Variants in RNF130 observed in about 807,000 individuals in gnomAD.
RNF130 encodes ring finger protein 130.
RNF130 carries 21 observed loss-of-function variants against 44.6 expected under a neutral mutation model. The ratio of observed to expected loss-of-function variants is 0.47; its 90% confidence interval spans 0.33 to 0.68. The LOEUF (loss-of-function observed/expected upper bound fraction) is 0.68, where lower values mean the gene tolerates loss of function less well. Among genes scored for constraint, RNF130 ranks in the 30% least tolerant of loss-of-function variants. The pLI is 0.02. For missense variants in RNF130, 479 were observed against 560.6 expected, an observed-to-expected ratio of 0.85 and a Z score of 1.47; for synonymous variants, 214 against 210.4, an observed-to-expected ratio of 1.02 and a Z score of -0.15.
At chr5:179,936,862 A>G (rs1051015008) in intron 7 of RNF130, among the ~76,000 whole-genome samples, 5 of 152,224 alleles carry the variant, frequency 3.3e-5, no homozygotes, top group Admixed American at 2.6e-4. Context: ...GGGGGAAAGA[A>G]CAGTCTCTTC....
chr5:179,966,067 G>A (rs1014546761), intron 7 of RNF130, among the ~76,000 whole-genome samples: 1 of 152,176 alleles, frequency 6.6e-6, no homozygotes. Flanking sequence ...GAATGGAAGC[G>A]AAGAGAAGAG....
chr5:179,940,324 G>A (rs1314500006), intron 7 of RNF130, among the ~76,000 whole-genome samples: 2 of 151,658 alleles, frequency 1.3e-5, no homozygotes, highest in African/African-American at 4.8e-5. Context: ...AGGTTCAAGC[G>A]GTTCTCCTGC....
intron 1 of RNF130, among the ~76,000 whole-genome samples, chr5:180,060,960 G>T (rs962862394): frequency 2.0e-5 from 3 of 151,572 alleles, no homozygotes; most frequent in East Asian, 3.9e-4. Flanking sequence ...TCCCAGCTAC[G>T]CGGGAGGCTG....
chr5:180,023,140 T>C (rs1300236223), intron 2 of RNF130, among the ~76,000 whole-genome samples: 1 of 152,242 alleles, frequency 6.6e-6, no homozygotes, highest in African/African-American at 2.4e-5. Context: ...AGAGCTACAA[T>C]GATCCATGTG....
intron 7 of RNF130, among the ~76,000 whole-genome samples, chr5:179,935,515 C>CGTGTGT (rs34977597): frequency 8.4e-4 from 126 of 150,624 alleles, no homozygotes; most frequent in East Asian, 2.7e-3. Flanking sequence ...TATGTCAGCA[C>CGTGTGT]GTGTGTGTGT....
Position 179,969,953 on chromosome 5 carries a change from TGTAC to T in RNF130, c.945+453_945+456del, listed in dbSNP as rs571724745. Among the ~76,000 whole-genome samples the T allele has an allele frequency of 1.7e-3, 262 of 152,218 alleles. 2 individuals carry two copies. The highest frequency in any genetic ancestry group is 5.7e-3 in the African/African-American group (237 of 41,532). On this transcript the variant is annotated intron_variant, in intron 6 of 8. Coordinates refer to ENST00000521389, the MANE Select transcript of RNF130 (RefSeq NM_018434.6). ...TTGCAGTGAGCCAAGATCGTGCCAT[TGTAC>T]TCCAGCTTGGGCAACAAGAGCAAAA...
At chr5:179,920,236 CAGG>C in exon 8 of RNF130, 1 of 652,096 alleles carries the variant, frequency 1.5e-6, no homozygotes, top group Admixed American at 2.2e-5. Context: ...CGGATGCTGA[CAGG>C]AGAATACAAA....
chr5:180,055,266 A>C (rs1348710419), intron 1 of RNF130, among the ~76,000 whole-genome samples: 5 of 28,050 alleles, frequency 1.8e-4, no homozygotes, highest in African/African-American at 3.5e-4. Flanking sequence ...AAAAAAAAAA[A>C]AAAAAAAAAA....
intron 3 of RNF130, among the ~76,000 whole-genome samples, chr5:179,986,917 G>A (rs976989385): frequency 2.6e-5 from 4 of 151,918 alleles, no homozygotes; most frequent in Admixed American, 2.0e-4. Flanking sequence ...TGTGACTATT[G>A]CAAATAGGAC....
chr5:180,037,857 T>G (rs1040433227), intron 2 of RNF130, among the ~76,000 whole-genome samples: 2 of 152,206 alleles, frequency 1.3e-5, no homozygotes, highest in African/African-American at 4.8e-5. Flanking sequence ...AATCACAACA[T>G]AAAGCCGTTT....
At chr5:180,028,550 C>T (rs1025642024) in intron 2 of RNF130, among the ~76,000 whole-genome samples, 2 of 84,288 alleles carry the variant, frequency 2.4e-5, no homozygotes, top group Admixed American at 1.2e-4. Flanking sequence ...TGAAGTCTTC[C>T]AGACCTGGGT....
intron 3 of RNF130, among the ~76,000 whole-genome samples, chr5:179,992,333 G>C (rs1475052613): frequency 2.0e-5 from 3 of 152,112 alleles, no homozygotes; most frequent in Non-Finnish European, 4.4e-5. Flanking sequence ...AGTAGAGACG[G>C]GGTTTCACCA....
chr5:179,955,982 A>T (rs1387733996), intron 8 of RNF130: 8 of 258,730 alleles, frequency 3.1e-5, no homozygotes, highest in Non-Finnish European at 5.1e-5. Context: ...GTTTAAACAC[A>T]TGTTCTGAAT....
At chr5:179,963,878 T>C (rs1762384408) in intron 7 of RNF130, 2 of 300,880 alleles carry the variant, frequency 6.6e-6, no homozygotes, top group Non-Finnish European at 1.3e-5. Context: ...CACAAGGACA[T>C]AGATTTTTTT....
intron 7 of RNF130, among the ~76,000 whole-genome samples, chr5:179,965,654 AAAGT>A (rs1161201093): frequency 6.6e-6 from 1 of 152,190 alleles, no homozygotes; most frequent in Non-Finnish European, 1.5e-5. Flanking sequence ...CCTCAACGCC[AAAGT>A]AAGAAAACCA....
chr5:180,005,128 C>T (rs923004600), intron 3 of RNF130, among the ~76,000 whole-genome samples: 48 of 152,242 alleles, frequency 3.2e-4, no homozygotes, highest in African/African-American at 1.1e-3. Context: ...CACTCCACTG[C>T]TAAAAAACCG....
intron 2 of RNF130, among the ~76,000 whole-genome samples, chr5:180,014,249 A>G (rs903869069): frequency 1.3e-5 from 2 of 152,240 alleles, no homozygotes; most frequent in Non-Finnish European, 2.9e-5. Flanking sequence ...CTTCCTATGG[A>G]CAGCAGGAAA....
chr5:180,014,811 C>A (rs1358834326), intron 2 of RNF130, among the ~76,000 whole-genome samples: 2 of 152,122 alleles, frequency 1.3e-5, no homozygotes, highest in Non-Finnish European at 2.9e-5. Context: ...CATGGTGAAA[C>A]CCTGTCTCTC....
chr5:180,058,167 C>T (rs148920713), intron 1 of RNF130, among the ~76,000 whole-genome samples: 257 of 152,200 alleles, frequency 1.7e-3, no homozygotes, highest in African/African-American at 5.9e-3. Context: ...GGGAAGGAGC[C>T]GTGACTGGAA....
Sources: gnomAD v4.1 joint callset for allele counts (sites outside exome capture counted in the v4.1 genomes callset) on GRCh38, gnomAD v4.1.1 for gene constraint, MANE v1.5 for transcripts, NCBI Gene and HGNC (gene_info 2026-07-23, HGNC 2026-07-21) for gene names.